The following SPAG16 variants were observed in gnomAD, a reference collection of about 807,000 sequenced individuals.
SPAG16 encodes sperm associated antigen 16.
Under a neutral mutation model 80.4 loss-of-function variants are expected in SPAG16, and 86 were observed. That is an observed-to-expected ratio of 1.07 (90% CI 0.90 to 1.28). The LOEUF is 1.28. Among genes scored for constraint, SPAG16 ranks in the 50% most tolerant of loss-of-function variants. SPAG16 has a pLI of 0.00. For synonymous variants in SPAG16, 294 were observed against 265.9 expected (o/e 1.11, Z -1.03); for missense variants, 870 against 765.3 (o/e 1.14, Z -1.61).
intron 10 of SPAG16, among the ~76,000 whole-genome samples, chr2:213,610,000 G>A (rs2061391539): frequency 6.6e-6 from 1 of 151,998 alleles, no homozygotes; most frequent in Non-Finnish European, 1.5e-5. Flanking sequence ...TAAGGCTCCT[G>A]GCTGAGCCTC....
intron 9 of SPAG16, among the ~76,000 whole-genome samples, chr2:213,488,489 T>A (rs1360530277): frequency 6.6e-6 from 1 of 152,116 alleles, no homozygotes; most frequent in Non-Finnish European, 1.5e-5. Flanking sequence ...TTGATAACCA[T>A]AAGAGAGACA....
chr2:213,510,292 C>T (rs2075170601), intron 10 of SPAG16, among the ~76,000 whole-genome samples: 2 of 152,116 alleles, frequency 1.3e-5, no homozygotes, highest in Admixed American at 1.3e-4. Flanking sequence ...GACATAGCTG[C>T]AGTTTGGTAT....
At chr2:214,031,468 A>G (rs2048408318) in intron 13 of SPAG16, among the ~76,000 whole-genome samples, 2 of 119,170 alleles carry the variant, frequency 1.7e-5, no homozygotes, top group Non-Finnish European at 3.5e-5. Context: ...GGGGGGAGGG[A>G]TAGCATTAGG....
At chr2:213,809,056 G>A (rs1382214566) in intron 10 of SPAG16, among the ~76,000 whole-genome samples, 1 of 152,184 alleles carries the variant, frequency 6.6e-6, no homozygotes, top group African/African-American at 2.4e-5. Flanking sequence ...CAGCATGCCA[G>A]GAGCAGGGCA....
At chr2:213,308,617 G>A (rs1229198073) in intron 3 of SPAG16, among the ~76,000 whole-genome samples, 1 of 152,068 alleles carries the variant, frequency 6.6e-6, no homozygotes, top group African/African-American at 2.4e-5. Flanking sequence ...AGTTAACAGG[G>A]TTGCAACATT....
chr2:213,775,892 T>A (rs986470753), intron 10 of SPAG16, among the ~76,000 whole-genome samples: 1 of 152,250 alleles, frequency 6.6e-6, no homozygotes, highest in Non-Finnish European at 1.5e-5. Context: ...ATGTACAAAC[T>A]CTCAGTCAAA....
chr2:213,976,167 C>CAT (rs200086713), intron 12 of SPAG16, among the ~76,000 whole-genome samples: 174 of 133,732 alleles, frequency 1.3e-3, no homozygotes, highest in African/African-American at 4.3e-3. Flanking sequence ...TATGTATATA[C>CAT]ATATATATAC....
At chr2:213,956,018 A>G (rs1160617802) in intron 12 of SPAG16, among the ~76,000 whole-genome samples, 1 of 151,740 alleles carries the variant, frequency 6.6e-6, no homozygotes, top group Non-Finnish European at 1.5e-5. Flanking sequence ...TCTCCCAGGC[A>G]ACAATCTCGG....
intron 12 of SPAG16, among the ~76,000 whole-genome samples, chr2:213,961,300 A>G (rs1575659016): frequency 1.3e-5 from 2 of 152,250 alleles, no homozygotes; most frequent in Middle Eastern, 6.8e-3. Context: ...TTACAGTTTT[A>G]TGTATATTCG....
At chr2:213,548,326 C>T (rs1440554767) in intron 10 of SPAG16, among the ~76,000 whole-genome samples, 2 of 152,148 alleles carry the variant, frequency 1.3e-5, no homozygotes, top group Admixed American at 1.3e-4. Context: ...CGTTCTCCTG[C>T]CTCAGCCTCG....
At chr2:213,716,850 C>T (rs866159854) in intron 10 of SPAG16, among the ~76,000 whole-genome samples, 1 of 152,078 alleles carries the variant, frequency 6.6e-6, no homozygotes, top group African/African-American at 2.4e-5. Flanking sequence ...AAAATAAGTT[C>T]TTTGATCTCA....
chr2:213,390,686 T>G (rs2125291706), intron 9 of SPAG16, among the ~76,000 whole-genome samples: 1 of 152,324 alleles, frequency 6.6e-6, no homozygotes, highest in South Asian at 2.1e-4. Context: ...CAGCAGCTGG[T>G]TTAGCAACAT....
chr2:213,643,164 G>A (rs1440850803), intron 10 of SPAG16, among the ~76,000 whole-genome samples: 1 of 150,618 alleles, frequency 6.6e-6, no homozygotes. Flanking sequence ...TTTGTCTGGG[G>A]AAGTCTTTAT....
intron 10 of SPAG16, among the ~76,000 whole-genome samples, chr2:213,651,525 A>G (rs1356429081): frequency 6.6e-6 from 1 of 152,168 alleles, no homozygotes; most frequent in East Asian, 1.9e-4. Flanking sequence ...CACCATGGTA[A>G]TCAGTTGAGC....
At chr2:213,876,799 T>A (rs2076159923) in intron 11 of SPAG16, among the ~76,000 whole-genome samples, 1 of 152,178 alleles carries the variant, frequency 6.6e-6, no homozygotes, top group South Asian at 2.1e-4. Context: ...TATACTTTTC[T>A]GTCTCTCCAT....
At chr2:214,258,162 G>T (rs1690833775) in intron 15 of SPAG16, among the ~76,000 whole-genome samples, 2 of 151,918 alleles carry the variant, frequency 1.3e-5, no homozygotes, top group South Asian at 4.1e-4. Context: ...TTCTTTAGCA[G>T]TGATTTCTGA....
chr2:213,711,474 A>G (rs1315981731), intron 10 of SPAG16, among the ~76,000 whole-genome samples: 1 of 150,624 alleles, frequency 6.6e-6, no homozygotes, highest in African/African-American at 2.4e-5. Flanking sequence ...TTCTGTGTTT[A>G]TATATATTTT....
chr2:213,827,252 T>C (rs1296512405), intron 10 of SPAG16, among the ~76,000 whole-genome samples: 1 of 152,036 alleles, frequency 6.6e-6, no homozygotes, highest in African/African-American at 2.4e-5. Context: ...TGTTTTTCTC[T>C]TCTTTCCTTC....
chr2:213,811,697 C>T (rs1286225055), intron 10 of SPAG16, among the ~76,000 whole-genome samples: 1 of 152,130 alleles, frequency 6.6e-6, no homozygotes, highest in African/African-American at 2.4e-5. Context: ...TTCTTCCCAG[C>T]TACGGCATTC....
Sources: allele counts gnomAD v4.1 joint callset (sites outside exome capture counted in the v4.1 genomes callset), GRCh38; gene constraint gnomAD v4.1.1; transcripts MANE v1.5; gene names NCBI Gene and HGNC (gene_info 2026-07-23, HGNC 2026-07-21).